Variants in MAP2 observed in about 807,000 individuals in gnomAD.
MAP2 encodes the protein microtubule-associated protein 2.
A neutral mutation model predicts 137.6 loss-of-function variants in MAP2; 14 were observed. That is an observed-to-expected ratio of 0.10 (90% CI 0.07 to 0.16). The LOEUF (loss-of-function observed/expected upper bound fraction) is 0.16. Among genes scored for constraint, MAP2 ranks in the 10% least tolerant of loss-of-function variants. The pLI is 1.00. For synonymous variants in MAP2, 786 were observed against 782.3 expected (o/e 1.00, Z -0.08); for missense variants, 2,088 against 2,191.5 (o/e 0.95, Z 0.94).
intron 5 of MAP2, among the ~76,000 whole-genome samples, chr2:209,667,205 T>C (rs1285775150): frequency 1.3e-5 from 2 of 152,010 alleles, no homozygotes; most frequent in African/African-American, 2.4e-5. Flanking sequence ...CACCTTCTAG[T>C]TGTTTTCAGA....
At chr2:209,722,598 G>A (rs951914002) in intron 13 of MAP2, among the ~76,000 whole-genome samples, 2 of 151,988 alleles carry the variant, frequency 1.3e-5, no homozygotes, top group African/African-American at 2.4e-5. Flanking sequence ...AACAAATAAC[G>A]ACAATAACAC....
At chr2:209,668,894 T>C (rs2047508710) in intron 5 of MAP2, among the ~76,000 whole-genome samples, 1 of 152,080 alleles carries the variant, frequency 6.6e-6, no homozygotes, top group East Asian at 1.9e-4. Flanking sequence ...CAGAAGTTCA[T>C]AGTGTAATTG....
chr2:209,528,268 C>G (rs780957869), intron 2 of MAP2, among the ~76,000 whole-genome samples: 2 of 152,014 alleles, frequency 1.3e-5, no homozygotes, highest in Non-Finnish European at 2.9e-5. Flanking sequence ...CACAGCTCTT[C>G]AGGACAAATA....
intron 4 of MAP2, among the ~76,000 whole-genome samples, chr2:209,633,978 G>A (rs2093336972): frequency 6.6e-6 from 1 of 152,156 alleles, no homozygotes. Context: ...TTCCCTGAAT[G>A]TGTTTGCACA....
At chr2:209,482,760 C>T (rs1464790373) in intron 1 of MAP2, among the ~76,000 whole-genome samples, 2 of 152,130 alleles carry the variant, frequency 1.3e-5, no homozygotes, top group African/African-American at 2.4e-5. Context: ...GGCCTCAGCT[C>T]CTTCCATTCT....
At chr2:209,477,112 C>A (rs1257486148) in intron 1 of MAP2, among the ~76,000 whole-genome samples, 1 of 152,144 alleles carries the variant, frequency 6.6e-6, no homozygotes, top group Non-Finnish European at 1.5e-5. Flanking sequence ...AAGAGTCTTG[C>A]AACAGAGCCA....
chr2:209,618,508 C>G (rs1290942645), intron 3 of MAP2, among the ~76,000 whole-genome samples: 1 of 152,160 alleles, frequency 6.6e-6, no homozygotes, highest in Non-Finnish European at 1.5e-5. Context: ...TGCTCAATTT[C>G]CTTTGAGCCT....
chr2:209,438,431 A>G (rs888518607), intron 1 of MAP2, among the ~76,000 whole-genome samples: 2 of 151,744 alleles, frequency 1.3e-5, no homozygotes, highest in African/African-American at 4.8e-5. Context: ...TGAATTAAGT[A>G]TTCATGACTT....
rs116270298 is a variant in MAP2 at position 209,557,582 on chromosome 2, G to A, written c.-171-22454G>A. Among the ~76,000 whole-genome samples, 1,354 of 152,268 alleles carry A rather than the reference G, an allele frequency of 8.9e-3. 21 individuals carry two copies. Among genetic ancestry groups the A allele is most frequent in the African/African-American group, 0.031 (1,308 of 41,552 alleles). On this transcript the variant is annotated intron_variant, in intron 2 of 15. Transcript: ENST00000682079. ...GACTCATCAAGGCATTCTTCCAAGT[G>A]GGTTTACAAGTACCAGAATAGTCTG... is the stretch of plus-strand genomic sequence containing the variant.
intron 1 of MAP2, among the ~76,000 whole-genome samples, chr2:209,492,978 C>A (rs1378999041): frequency 2.0e-5 from 3 of 152,014 alleles, no homozygotes; most frequent in African/African-American, 7.2e-5. Flanking sequence ...TCCTGTATAG[C>A]CTAAGCAAAA....
At chr2:209,475,652 TAAA>T (rs1188078371) in intron 1 of MAP2, among the ~76,000 whole-genome samples, 4 of 152,182 alleles carry the variant, frequency 2.6e-5, no homozygotes, top group African/African-American at 9.6e-5. Flanking sequence ...GAGCAGGCAA[TAAA>T]AAAATTCAGC....
intron 13 of MAP2, among the ~76,000 whole-genome samples, chr2:209,724,294 C>T (rs569712353): frequency 6.6e-6 from 1 of 151,864 alleles, no homozygotes; most frequent in Non-Finnish European, 1.5e-5. Flanking sequence ...TAAATAATGT[C>T]CTGTGAGAGG....
At chr2:209,473,100 G>T (rs1360011548) in intron 1 of MAP2, among the ~76,000 whole-genome samples, 1 of 152,050 alleles carries the variant, frequency 6.6e-6, no homozygotes, top group East Asian at 1.9e-4. Context: ...GTCACAAATT[G>T]TCCTCCCCAC....
At chr2:209,682,683 G>A (rs192563514) in intron 7 of MAP2, among the ~76,000 whole-genome samples, 6 of 152,176 alleles carry the variant, frequency 3.9e-5, no homozygotes, top group African/African-American at 1.4e-4. Context: ...TGAGGAGGAA[G>A]TGTTGGCCAA....
chr2:209,510,047 A>G (rs1440468825), intron 2 of MAP2, among the ~76,000 whole-genome samples: 1 of 150,822 alleles, frequency 6.6e-6, no homozygotes, highest in Non-Finnish European at 1.5e-5. Flanking sequence ...AAAAAAAGTC[A>G]GAATGAAATC....
At position 209,699,344 on chromosome 2, in the gene MAP2, C is replaced by CT. The variant is rs2061133597; in HGVS notation, c.4523-933_4523-932insT. On this transcript the variant is annotated intron_variant, in intron 10 of 15. Coordinates refer to ENST00000682079, the MANE Select transcript of MAP2 (RefSeq NM_001375505.1). ...CTTATTCAGAGGGCTTATAAGGATA[C>CT]ATTTTTTTTCTGAGGGTTTCTATTT... Among the ~76,000 whole-genome samples, 5 of 148,440 alleles carry CT rather than the reference C, an allele frequency of 3.4e-5. No homozygotes were observed. The South Asian group carries it at 1.1e-3, about 32-fold the overall frequency.
rs188847892 is a variant in MAP2 at position 209,449,820 on chromosome 2, T to G, written c.-222+25544T>G. 3.3e-5 allele frequency among the ~76,000 whole-genome samples: 5 copies of G among 152,338 alleles called. No individual in the cohort carries two copies. In the East Asian group the frequency reaches 9.6e-4, roughly 29 times the overall value. On this transcript the variant is annotated intron_variant, in intron 1 of 15. Transcript: ENST00000682079. ...GAAAAGATTTTGTATTGAAGGTTAG[T>G]GACACTTTTTATTGCTGTGTGTTGC...
chr2:209,639,519 G>A (rs773656855), intron 4 of MAP2, among the ~76,000 whole-genome samples: 1 of 152,016 alleles, frequency 6.6e-6, no homozygotes, highest in Non-Finnish European at 1.5e-5. Flanking sequence ...TCTATCCTTA[G>A]CCATGTCTTC....
chr2:209,632,270 A>G (rs2093146851), intron 4 of MAP2, among the ~76,000 whole-genome samples: 1 of 152,110 alleles, frequency 6.6e-6, no homozygotes, highest in Non-Finnish European at 1.5e-5. Context: ...CCAGTATCTG[A>G]ACTATTTGGA....
Sources: gnomAD v4.1 joint callset for allele counts (sites outside exome capture counted in the v4.1 genomes callset) on GRCh38, gnomAD v4.1.1 for gene constraint, MANE v1.5 for transcripts, NCBI Gene and HGNC (gene_info 2026-07-23, HGNC 2026-07-21) for gene names.